LRRC4C: variants seen among roughly 807,000 people sequenced by gnomAD.
LRRC4C encodes the protein leucine-rich repeat-containing protein 4C.
Under a neutral mutation model 33.6 loss-of-function variants are expected in LRRC4C, and 5 were observed. That is an observed-to-expected ratio of 0.15 (90% CI 0.08 to 0.31). The LOEUF (loss-of-function observed/expected upper bound fraction) is 0.31, where lower values mean the gene tolerates loss of function less well. Among genes scored for constraint, LRRC4C ranks in the 10% least tolerant of loss-of-function variants. LRRC4C has a pLI of 1.00. For missense variants in LRRC4C, 560 were observed against 796.7 expected, an observed-to-expected ratio of 0.70 and a Z score of 3.58; for synonymous variants, 329 against 302.0, an observed-to-expected ratio of 1.09 and a Z score of -0.93.
chr11:40,963,309 G>T (rs934001904), intron 1 of LRRC4C, among the ~76,000 whole-genome samples: 1 of 151,754 alleles, frequency 6.6e-6, no homozygotes, highest in Non-Finnish European at 1.5e-5. Flanking sequence ...TTTGGCAAGT[G>T]CTGTGAAGTT....
intron 3 of LRRC4C, among the ~76,000 whole-genome samples, chr11:40,545,212 A>G (rs1956866396): frequency 6.6e-6 from 1 of 152,036 alleles, no homozygotes; most frequent in Non-Finnish European, 1.5e-5. Flanking sequence ...GTATTTGAAT[A>G]TCTGCTCTTC....
At chr11:40,949,615 T>G (rs1300146011) in intron 1 of LRRC4C, among the ~76,000 whole-genome samples, 2 of 152,058 alleles carry the variant, frequency 1.3e-5, no homozygotes, top group Non-Finnish European at 2.9e-5. Flanking sequence ...CCAGCCAAAC[T>G]AAGCTTCATA....
chr11:40,201,021 A>G (rs1862704652), intron 5 of LRRC4C, among the ~76,000 whole-genome samples: 1 of 152,098 alleles, frequency 6.6e-6, no homozygotes, highest in Non-Finnish European at 1.5e-5. Context: ...GTTGAAGCGG[A>G]ATGTAGTGTG....
intron 1 of LRRC4C, among the ~76,000 whole-genome samples, chr11:41,177,232 C>T (rs866335962): frequency 1.3e-5 from 2 of 152,068 alleles, no homozygotes; most frequent in Non-Finnish European, 2.9e-5. Context: ...CTGAGTGGTA[C>T]AAGAAGAGTG....
intron 5 of LRRC4C, among the ~76,000 whole-genome samples, chr11:40,222,983 G>A (rs1262005790): frequency 7.0e-6 from 1 of 142,120 alleles, no homozygotes; most frequent in Admixed American, 6.9e-5. Context: ...CAGGAACAGT[G>A]AGCGGTCTCA....
At chr11:40,983,727 T>C (rs114168932) in intron 1 of LRRC4C, among the ~76,000 whole-genome samples, 57 of 152,156 alleles carry the variant, frequency 3.7e-4, no homozygotes, top group African/African-American at 1.3e-3. Flanking sequence ...ATGTGGCTAA[T>C]AAGTGTATGA....
chr11:41,367,359 C>T (rs893210026), intron 1 of LRRC4C, among the ~76,000 whole-genome samples: 2 of 152,116 alleles, frequency 1.3e-5, no homozygotes, highest in Non-Finnish European at 2.9e-5. Flanking sequence ...CTTCTTCTAA[C>T]ACCTACTATG....
intron 1 of LRRC4C, among the ~76,000 whole-genome samples, chr11:41,040,195 T>C (rs1402067035): frequency 1.3e-5 from 2 of 148,852 alleles, no homozygotes; most frequent in Non-Finnish European, 3.0e-5. Context: ...TACATGGGGG[T>C]TGATGAATCT....
intron 3 of LRRC4C, among the ~76,000 whole-genome samples, chr11:40,642,126 T>C (rs1942162057): frequency 6.6e-6 from 1 of 151,808 alleles, no homozygotes; most frequent in Admixed American, 6.6e-5. Context: ...CTCTATATGG[T>C]ATAATATGAA....
At chr11:41,422,238 A>T (rs1215622027) in intron 1 of LRRC4C, among the ~76,000 whole-genome samples, 8 of 151,874 alleles carry the variant, frequency 5.3e-5, no homozygotes, top group Non-Finnish European at 1.5e-5. Context: ...AACCATTGTC[A>T]TCTCAGGGGG....
chr11:40,336,976 C>CAAAAAAA lies in LRRC4C; in HGVS notation c.-269-17262_-269-17256dup, dbSNP rs34144874. Among the ~76,000 whole-genome samples the CAAAAAAA allele has an allele frequency of 2.6e-4, 21 of 79,252 alleles. 1 individual carries two copies. The highest frequency in any genetic ancestry group is 1.0e-3 in the African/African-American group (13 of 12,832). 52.0% of individuals were successfully genotyped at this position (79,252 alleles called of 152,430 possible). ...TGGGGGACAGAGCGAGACTTCGTCT[C>CAAAAAAA]AAAAAAAAAAAAAAAAAAAAAAAAA... On this transcript the variant is annotated intron_variant, in intron 3 of 6. Transcript: ENST00000528697.
chr11:40,455,904 T>C (rs1952110411), intron 3 of LRRC4C, among the ~76,000 whole-genome samples: 1 of 152,114 alleles, frequency 6.6e-6, no homozygotes, highest in South Asian at 2.1e-4. Context: ...TTAATGGCCA[T>C]ATTAGTATGT....
chr11:40,399,889 A>T (rs1949696293), intron 3 of LRRC4C, among the ~76,000 whole-genome samples: 1 of 152,112 alleles, frequency 6.6e-6, no homozygotes, highest in Non-Finnish European at 1.5e-5. Context: ...CTCCGAAGAC[A>T]TATTTAATCA....
chr11:40,487,506 C>T (rs2138472434), intron 3 of LRRC4C, among the ~76,000 whole-genome samples: 1 of 152,124 alleles, frequency 6.6e-6, no homozygotes, highest in Middle Eastern at 3.4e-3. Context: ...CCTGGATCAC[C>T]TGGGTGGGCC....
In LRRC4C at chr11:40,699,620, T is replaced by C. The variant is rs1460903428; in HGVS notation, c.-406-51342A>G. 2.0e-5 allele frequency among the ~76,000 whole-genome samples: 3 copies of C among 152,194 alleles called. No homozygotes were observed. The East Asian group carries it at 5.8e-4, about 29-fold the overall frequency. On this transcript the variant is annotated intron_variant, in intron 2 of 6. Transcript: ENST00000528697. ...CATTTAATGACAGCAGTAAAACATTTAATTAATTTGTTTATTAAAAAAGTA... is the reference window on the plus strand; with the variant it reads ...CATTTAATGACAGCAGTAAAACATTCAATTAATTTGTTTATTAAAAAAGTA...
chr11:40,237,406 G>A (rs1178992894), intron 5 of LRRC4C, among the ~76,000 whole-genome samples: 1 of 152,156 alleles, frequency 6.6e-6, no homozygotes, highest in Non-Finnish European at 1.5e-5. Flanking sequence ...AGCTCTGCTG[G>A]GCAGTGCCTG....
chr11:40,516,917 C>A (rs1038040714), intron 3 of LRRC4C, among the ~76,000 whole-genome samples: 1 of 152,072 alleles, frequency 6.6e-6, no homozygotes, highest in African/African-American at 2.4e-5. Context: ...TTATTGGAAG[C>A]CTACACTGCA....
At chr11:40,838,221 G>T in intron 2 of LRRC4C, among the ~76,000 whole-genome samples, 1 of 149,230 alleles carries the variant, frequency 6.7e-6, no homozygotes, top group East Asian at 1.9e-4. Context: ...GAGAGAGAGA[G>T]GAATAGGTCC....
chr11:40,342,943 C>T (rs1157114799), intron 3 of LRRC4C, among the ~76,000 whole-genome samples: 4 of 151,958 alleles, frequency 2.6e-5, no homozygotes, highest in East Asian at 1.9e-4. Flanking sequence ...TCTTTATTGC[C>T]TATCTTTTGC....
Sources: gnomAD v4.1 joint callset for allele counts (sites outside exome capture counted in the v4.1 genomes callset) on GRCh38, gnomAD v4.1.1 for gene constraint, MANE v1.5 for transcripts, NCBI Gene and HGNC (gene_info 2026-07-23, HGNC 2026-07-21) for gene names.